ZNF676: variants seen among roughly 807,000 people sequenced by gnomAD.
ZNF676 encodes zinc finger protein 676.
A neutral mutation model predicts 6.0 loss-of-function variants in ZNF676; 4 were observed. The ratio of observed to expected loss-of-function variants is 0.67; its 90% CI spans 0.33 to 1.53. The LOEUF (loss-of-function observed/expected upper bound fraction) is 1.53. Among genes scored for constraint, ZNF676 ranks in the 40% most tolerant of loss-of-function variants. The probability of loss-of-function intolerance (pLI) is 0.06; values close to 1 mark genes in which losing one functional copy is unlikely to be tolerated. For missense variants in ZNF676, 644 were observed against 679.7 expected (o/e 0.95, Z 0.58); for synonymous variants, 198 against 223.1 (o/e 0.89, Z 1.00).
At chr19:22,215,028 G>A (rs1386728353) in intron 1 of ZNF676, among the ~76,000 whole-genome samples, 2 of 124,250 alleles carry the variant, frequency 1.6e-5, no homozygotes, top group African/African-American at 6.0e-5. Flanking sequence ...GCGACAGAGC[G>A]AGACTCCATC....
chr19:22,250,753 C>G, the ZNF676 span, among the ~76,000 whole-genome samples: 2 of 151,570 alleles, frequency 1.3e-5, no homozygotes, highest in South Asian at 4.2e-4. Context: ...CTTCTATCAC[C>G]CAGCCTGGGG....
At chr19:22,237,725 G>C in the ZNF676 span, among the ~76,000 whole-genome samples, 1 of 152,162 alleles carries the variant, frequency 6.6e-6, no homozygotes, top group East Asian at 1.9e-4. Flanking sequence ...GCCACTACTG[G>C]GGATGGGGAA....
upstream of ZNF676, among the ~76,000 whole-genome samples, chr19:22,201,209 G>A (rs1350333653): frequency 6.6e-6 from 1 of 152,112 alleles, no homozygotes; most frequent in African/African-American, 2.4e-5. Context: ...GTGTGGCTCT[G>A]GATACTTTGT....
upstream of ZNF676, among the ~76,000 whole-genome samples, chr19:22,219,486 C>G (rs1293792965): frequency 6.6e-6 from 1 of 152,022 alleles, no homozygotes; most frequent in Non-Finnish European, 1.5e-5. Flanking sequence ...TCCTCTTTAC[C>G]AATTTAGATT....
chr19:22,217,647 C>T (rs1294668118), upstream of ZNF676, among the ~76,000 whole-genome samples: 1 of 150,808 alleles, frequency 6.6e-6, no homozygotes, highest in Admixed American at 6.6e-5. Context: ...CAGGCATAAG[C>T]CACCGTGCCT....
chr19:22,240,441 G>A, the ZNF676 span, among the ~76,000 whole-genome samples: 1 of 151,888 alleles, frequency 6.6e-6, no homozygotes, highest in Non-Finnish European at 1.5e-5. Context: ...GTCCAGGCAG[G>A]AGACTCACAT....
the ZNF676 span, among the ~76,000 whole-genome samples, chr19:22,221,483 G>A: frequency 6.6e-6 from 1 of 152,218 alleles, no homozygotes; most frequent in East Asian, 1.9e-4. Flanking sequence ...TGGGCATGGT[G>A]GCTCATGCTT....
intron 2 of ZNF676, among the ~76,000 whole-genome samples, chr19:22,182,880 G>A (rs1372073760): frequency 6.6e-6 from 1 of 151,878 alleles, no homozygotes; most frequent in Admixed American, 6.6e-5. Context: ...TATTCTAATG[G>A]TGCAGAAAAC....
At chr19:22,204,451 C>T (rs1226338345) in intron 1 of ZNF676, among the ~76,000 whole-genome samples, 1 of 152,076 alleles carries the variant, frequency 6.6e-6, no homozygotes, top group Non-Finnish European at 1.5e-5. Context: ...CTAGAAAATA[C>T]TGTTTAATTT....
upstream of ZNF676, among the ~76,000 whole-genome samples, chr19:22,217,097 C>G (rs2024199954): frequency 6.6e-6 from 1 of 152,094 alleles, no homozygotes; most frequent in Admixed American, 6.5e-5. Context: ...GTGCACCAAT[C>G]TCCCAAGCAG....
chr19:22,222,505 A>G, the ZNF676 span, among the ~76,000 whole-genome samples: 1 of 152,076 alleles, frequency 6.6e-6, no homozygotes, highest in African/African-American at 2.4e-5. Context: ...GCTTTAAACA[A>G]TTTTTTTGCC....
chr19:22,217,602 CT>C (rs71180506), upstream of ZNF676, among the ~76,000 whole-genome samples: 34 of 147,500 alleles, frequency 2.3e-4, no homozygotes, highest in East Asian at 4.0e-4. Flanking sequence ...TTCTTTTTTC[CT>C]TTTTTTTTTT....
chr19:22,196,245 A>G (rs1019518700), intron 1 of ZNF676, among the ~76,000 whole-genome samples: 7 of 152,160 alleles, frequency 4.6e-5, no homozygotes, highest in Admixed American at 1.3e-4. Flanking sequence ...TCCTGCCACC[A>G]GAAGGTATAC....
the ZNF676 span, among the ~76,000 whole-genome samples, chr19:22,232,349 G>A: frequency 6.6e-6 from 1 of 151,970 alleles, no homozygotes; most frequent in Non-Finnish European, 1.5e-5. Flanking sequence ...TGTATTTTTA[G>A]TAGAGACAGG....
At position 22,180,626 on chromosome 19, in the gene ZNF676, G is replaced by T. The variant is rs758119822; in HGVS notation, c.1091C>A (p.Pro364His). The change falls in exon 3 of 3, where the codon CCC becomes CAC. Residue 364 changes from proline to histidine, a missense_variant. Coordinates refer to ENST00000397121, the MANE Select transcript of ZNF676 (RefSeq NM_001001411.3). ...TTTGCCACATCCTTCACATTTGTAG[G>T]GTTTCTCTCCAGTATGAATAATCTT... ...KHKIIHTGEKPYKCEGCGKAF... is the reference protein window; with the variant it reads ...KHKIIHTGEKHYKCEGCGKAF... 1 of 1,612,538 alleles carries T rather than the reference G, an allele frequency of 6.2e-7. No homozygotes were observed. The highest frequency in any genetic ancestry group is 1.7e-5 in the Admixed American group (1 of 59,882).
the ZNF676 span, among the ~76,000 whole-genome samples, chr19:22,233,431 C>T: frequency 6.6e-6 from 1 of 152,110 alleles, no homozygotes; most frequent in African/African-American, 2.4e-5. Flanking sequence ...TTTTAAAAAG[C>T]TACCTGTCAC....
the ZNF676 span, among the ~76,000 whole-genome samples, chr19:22,240,775 G>C: frequency 6.6e-6 from 1 of 151,930 alleles, no homozygotes; most frequent in Non-Finnish European, 1.5e-5. Flanking sequence ...CTAGGTGACT[G>C]AGTGAGACTC....
At chr19:22,213,450 G>A (rs888249972) in intron 1 of ZNF676, among the ~76,000 whole-genome samples, 1 of 152,150 alleles carries the variant, frequency 6.6e-6, no homozygotes, top group Non-Finnish European at 1.5e-5. Flanking sequence ...ACCTCAAGGG[G>A]TTAGCTTTCC....
In ZNF676 at chr19:22,180,282, A is replaced by G. The variant is rs765540866; in HGVS notation, c.1435T>C (p.Cys479Arg). The G allele has an allele frequency of 1.2e-6, 2 of 1,612,556 alleles. No individual in the cohort carries two copies. Among genetic ancestry groups the G allele is most frequent in the Non-Finnish European group, 1.7e-6 (2 of 1,178,796 alleles). ...CTAAAGCCTTTGCCACATTCTTCAC[A>G]TTTGTAAGGTTTCTCTGCAGCATGA... Reference protein sequence around the residue: ...RIHAAEKPYKCEECGKGFSTF... With the variant: ...RIHAAEKPYKREECGKGFSTF... The change falls in exon 3 of 3, where the codon TGT (cysteine) becomes CGT (arginine). Residue 479 changes from cysteine (C) to arginine (R), a missense_variant. Transcript: ENST00000397121.
Sources: gnomAD v4.1 joint callset for allele counts (sites outside exome capture counted in the v4.1 genomes callset) on GRCh38, gnomAD v4.1.1 for gene constraint, MANE v1.5 for transcripts, NCBI Gene and HGNC (gene_info 2026-07-23, HGNC 2026-07-21) for gene names.